Variants in RBFOX1 observed in about 807,000 individuals in gnomAD.
The protein encoded by RBFOX1 is RNA binding protein fox-1 homolog 1.
Under a neutral mutation model 57.7 loss-of-function variants are expected in RBFOX1, and 8 were observed. The observed-to-expected ratio is 0.14, with a 90% CI of 0.08 to 0.25. RBFOX1 has a LOEUF of 0.25. Ranked by LOEUF, RBFOX1 falls within the 10% of genes least tolerant of loss-of-function variation. RBFOX1 has a pLI of 1.00. For missense variants in RBFOX1, 611 were observed against 548.5 expected (o/e 1.11, Z -1.14); for synonymous variants, 326 against 222.4 (o/e 1.47, Z -4.15).
intron 4 of RBFOX1, among the ~76,000 whole-genome samples, chr16:7,467,817 T>G (rs1205691421): frequency 6.6e-6 from 1 of 152,224 alleles, no homozygotes; most frequent in Non-Finnish European, 1.5e-5. Flanking sequence ...CTTCAGTCTT[T>G]ACAGAGTCCT....
chr16:7,076,403 CAAAAG>C (rs1339770273), intron 4 of RBFOX1, among the ~76,000 whole-genome samples: 1 of 151,310 alleles, frequency 6.6e-6, no homozygotes, highest in Admixed American at 6.6e-5. Flanking sequence ...TCAAAACCAG[CAAAAG>C]AAAAGACCAA....
In RBFOX1 at chr16:7,259,955, C is replaced by G. The variant is rs1567931718; in HGVS notation, c.27+207857C>G. On this transcript the variant is annotated intron_variant, in intron 4 of 15. Coordinates refer to ENST00000550418, the MANE Select transcript of RBFOX1 (RefSeq NM_018723.4). ...TATACTGTCATTATCCCTCCCCTCCCTGATTTAGTAATTTCAGGCTCAAGT... is the reference window on the plus strand; with the variant it reads ...TATACTGTCATTATCCCTCCCCTCCGTGATTTAGTAATTTCAGGCTCAAGT... Among the ~76,000 whole-genome samples, 2 of 152,250 alleles carry G rather than the reference C, an allele frequency of 1.3e-5. 1 individual carries two copies. The highest frequency in any genetic ancestry group is 3.9e-4 in the East Asian group (2 of 5,180).
intron 3 of RBFOX1, among the ~76,000 whole-genome samples, chr16:6,747,275 GGT>G (rs1378011772): frequency 1.3e-5 from 2 of 152,064 alleles, no homozygotes; most frequent in African/African-American, 4.8e-5. Flanking sequence ...CTGGCATGGT[GGT>G]GTGTTTGAAA....
intron 4 of RBFOX1, among the ~76,000 whole-genome samples, chr16:7,079,431 A>G (rs75071682): frequency 2.0e-5 from 3 of 152,194 alleles, no homozygotes; most frequent in African/African-American, 7.2e-5. Flanking sequence ...GCAGAACCAC[A>G]GTTTACACTG....
At chr16:6,729,777 A>T (rs79364013) in intron 3 of RBFOX1, among the ~76,000 whole-genome samples, 101 of 152,232 alleles carry the variant, frequency 6.6e-4, no homozygotes, top group African/African-American at 2.2e-3. Flanking sequence ...TGTTCACTTA[A>T]GTTGAGTTTG....
intron 2 of RBFOX1, among the ~76,000 whole-genome samples, chr16:5,585,371 T>G (rs986326666): frequency 6.6e-6 from 1 of 152,236 alleles, no homozygotes; most frequent in Non-Finnish European, 1.5e-5. Flanking sequence ...AATATTCTGT[T>G]GTATGGCTGA....
intron 4 of RBFOX1, among the ~76,000 whole-genome samples, chr16:5,915,730 G>A (rs1044703738): frequency 3.9e-5 from 6 of 152,128 alleles, no homozygotes; most frequent in African/African-American, 1.4e-4. Context: ...TACTCCGGAG[G>A]CTGAGGCGCG....
chr16:7,523,143 A>G (rs1420870928), intron 5 of RBFOX1, among the ~76,000 whole-genome samples: 1 of 152,068 alleles, frequency 6.6e-6, no homozygotes, highest in Non-Finnish European at 1.5e-5. Context: ...TTTTAGATTC[A>G]TCCATATTGT....
Position 5,727,993 on chromosome 16 carries a change from C to T in RBFOX1, c.318+129032C>T, listed in dbSNP as rs558285480. ...ACAGCTACCATGCCCGGCCTCCTCT[C>T]TCTGTTTCTATCAGTTCACTTCTTT... is the stretch of plus-strand genomic sequence containing the variant. On this transcript the variant is annotated intron_variant, in intron 3 of 19. Transcript: ENST00000641259. 2.0e-5 allele frequency among the ~76,000 whole-genome samples: 3 copies of T among 152,302 alleles called. No homozygotes were observed. The East Asian group carries it at 5.8e-4, about 29-fold the overall frequency.
chr16:7,642,968 T>C (rs1021966320), intron 11 of RBFOX1, among the ~76,000 whole-genome samples: 2 of 152,160 alleles, frequency 1.3e-5, no homozygotes, highest in Non-Finnish European at 2.9e-5. Context: ...AGTAGGCAAA[T>C]CACAAATACC....
intron 1 of RBFOX1, among the ~76,000 whole-genome samples, chr16:5,356,005 T>C (rs548220874): frequency 1.3e-5 from 2 of 152,272 alleles, no homozygotes; most frequent in Non-Finnish European, 2.9e-5. Context: ...ACATGAGAAT[T>C]GCTTTAACCC....
chr16:5,275,744 A>C (rs998252737), intron 1 of RBFOX1, among the ~76,000 whole-genome samples: 1 of 152,232 alleles, frequency 6.6e-6, no homozygotes, highest in Non-Finnish European at 1.5e-5. Flanking sequence ...AACTAAGCAA[A>C]AAGAACCAAT....
intron 14 of RBFOX1, among the ~76,000 whole-genome samples, chr16:7,699,744 T>C (rs1182729992): frequency 6.6e-6 from 1 of 152,198 alleles, no homozygotes; most frequent in Non-Finnish European, 1.5e-5. Context: ...CTTTTTTTTT[T>C]ACTTTTTAAA....
intron 3 of RBFOX1, among the ~76,000 whole-genome samples, chr16:6,982,305 T>C (rs548093896): frequency 7.9e-5 from 12 of 152,334 alleles, no homozygotes; most frequent in African/African-American, 2.4e-4. Context: ...TATTCCATTT[T>C]GATCTTTACA....
Position 5,946,547 on chromosome 16 carries a change from A to T in RBFOX1, c.351+79212A>T, listed in dbSNP as rs919312625. ...TACGCCCTTCCCCGTATCTCACTCTATGCATATTTTTTTCCAACTGGGTGT... is the reference window on the plus strand; with the variant it reads ...TACGCCCTTCCCCGTATCTCACTCTTTGCATATTTTTTTCCAACTGGGTGT... On this transcript the variant is annotated intron_variant, in intron 4 of 19. Coordinates refer to the RBFOX1 transcript ENST00000641259. The surrounding 1 kb of genome is among the most constrained non-coding windows in gnomAD (Gnocchi z 4.6). Among the ~76,000 whole-genome samples the T allele has an allele frequency of 7.5e-6, 1 of 133,714 alleles. No individual in the cohort carries two copies. The highest frequency in any genetic ancestry group is 2.5e-5 in the African/African-American group (1 of 40,632). The allele number at this position is 133,714 out of a possible 152,430, so 87.7% of individuals were successfully genotyped here. A position where few individuals can be genotyped will look rare whatever the true frequency, so the allele number is the denominator to read the frequency against.
At chr16:6,359,708 C>G (rs759868136) in intron 2 of RBFOX1, among the ~76,000 whole-genome samples, 1 of 152,194 alleles carries the variant, frequency 6.6e-6, no homozygotes, top group African/African-American at 2.4e-5. Context: ...CGAGCATCTA[C>G]TGTCTTCCAC....
intron 4 of RBFOX1, among the ~76,000 whole-genome samples, chr16:7,062,376 G>A (rs907784460): frequency 1.0e-4 from 15 of 147,428 alleles, no homozygotes; most frequent in Middle Eastern, 3.7e-3. Flanking sequence ...AGATATAAAA[G>A]CTTTCTGTCT....
At chr16:7,086,428 C>A (rs1049474148) in intron 4 of RBFOX1, among the ~76,000 whole-genome samples, 1 of 152,098 alleles carries the variant, frequency 6.6e-6, no homozygotes, top group Non-Finnish European at 1.5e-5. Context: ...TAATTGAACA[C>A]TGCATCAATT....
At chr16:7,430,402 C>T (rs1372041095) in intron 4 of RBFOX1, among the ~76,000 whole-genome samples, 1 of 152,166 alleles carries the variant, frequency 6.6e-6, no homozygotes, top group African/African-American at 2.4e-5. Flanking sequence ...TGGCTCATGC[C>T]TGTAATCCCA....
Sources: allele counts gnomAD v4.1 joint callset (sites outside exome capture counted in the v4.1 genomes callset), GRCh38; gene constraint gnomAD v4.1.1; non-coding constraint Gnocchi (gnomAD v3.1); transcripts MANE v1.5; gene names NCBI Gene and HGNC (gene_info 2026-07-23, HGNC 2026-07-21).